Variants in RYR3 observed in about 807,000 individuals in gnomAD.
RYR3 encodes brain ryanodine receptor-calcium release channel.
Under a neutral mutation model 584.3 loss-of-function variants are expected in RYR3, and 207 were observed. The ratio of observed to expected loss-of-function variants is 0.35; its 90% CI spans 0.32 to 0.40. The LOEUF (loss-of-function observed/expected upper bound fraction) is 0.40. Among genes scored for constraint, RYR3 ranks in the 10% least tolerant of loss-of-function variants. The pLI is 1.00. For synonymous variants in RYR3, 2,416 were observed against 2,248.5 expected, an observed-to-expected ratio of 1.07 and a Z score of -2.11; for missense variants, 5,616 against 6,089.2, an observed-to-expected ratio of 0.92 and a Z score of 2.59.
rs147611218 is a variant in RYR3 at position 33,841,672 on chromosome 15, A to G, written c.13038-192A>G. ...TATATAGCTGATGTTCACCAAGATC[A>G]TGGCTCATCCTCATTGAATATAAAT... On this transcript the variant is annotated intron_variant, in intron 90 of 103. Coordinates refer to ENST00000634891, the MANE Select transcript of RYR3 (RefSeq NM_001036.6). 237 of 557,464 alleles carry G rather than the reference A, an allele frequency of 4.3e-4. 2 individuals carry two copies. The highest frequency in any genetic ancestry group is 3.8e-3 in the African/African-American group (202 of 53,546). The allele number at this position is 557,464 out of a possible 1,614,324, so 34.5% of individuals were successfully genotyped here.
At chr15:33,414,885 G>A (rs2676060) in intron 1 of RYR3, among the ~76,000 whole-genome samples, 4,188 of 152,236 alleles carry the variant, frequency 0.028, 200 homozygotes, top group African/African-American at 0.096. Context: ...GAGCCACCGC[G>A]CCGGCCTTAA....
intron 65 of RYR3, among the ~76,000 whole-genome samples, chr15:33,784,341 A>C (rs759617880): frequency 1.8e-4 from 27 of 152,358 alleles, no homozygotes; most frequent in Middle Eastern, 3.4e-3. Flanking sequence ...TGGATATAAA[A>C]TCTGAAAATC....
intron 43 of RYR3, among the ~76,000 whole-genome samples, chr15:33,714,912 A>C (rs1444934437): frequency 1.3e-5 from 2 of 152,250 alleles, no homozygotes; most frequent in African/African-American, 4.8e-5. Context: ...TGGAATAATT[A>C]CTAAAAACTT....
Position 33,311,130 on chromosome 15 carries a change from A to T in RYR3, c.51+34A>T. The T allele has an allele frequency of 6.6e-7, 1 of 1,518,216 alleles. No homozygotes were observed. The highest frequency in any genetic ancestry group is 8.9e-7 in the Non-Finnish European group (1 of 1,125,156). 94.0% of individuals were successfully genotyped at this position (1,518,216 alleles called of 1,614,324 possible). On this transcript the variant is annotated intron_variant, in intron 1 of 103. Transcript: ENST00000634891. This position sits in a 1 kb window ranked among gnomAD's most constrained non-coding sequence, Gnocchi z 4.4. ...CCGCGGCGGGGGCGAGGCCGTGGGC[A>T]GGTGGGGAGGAGCGCGGAGCGCGGC...
At chr15:33,486,923 G>A (rs2572172) in intron 2 of RYR3, among the ~76,000 whole-genome samples, 17,265 of 152,098 alleles carry the variant, frequency 0.11, 1,143 homozygotes, top group African/African-American at 0.16. Context: ...ATGGCTGGGC[G>A]CAGTGGGTCA....
chr15:33,356,570 G>A (rs1347671181), intron 1 of RYR3, among the ~76,000 whole-genome samples: 1 of 152,092 alleles, frequency 6.6e-6, no homozygotes, highest in East Asian at 1.9e-4. Context: ...ACAAAATTAT[G>A]TATAATCTCT....
intron 19 of RYR3, among the ~76,000 whole-genome samples, chr15:33,620,839 TG>T (rs1399636360): frequency 2.0e-5 from 3 of 152,330 alleles, no homozygotes; most frequent in Non-Finnish European, 4.4e-5. Flanking sequence ...TCAATCTGCC[TG>T]CTGAGGGCAC....
intron 1 of RYR3, among the ~76,000 whole-genome samples, chr15:33,316,095 G>A (rs568346636): frequency 1.3e-5 from 2 of 152,052 alleles, no homozygotes; most frequent in African/African-American, 4.8e-5. Flanking sequence ...AGCTCCTTAG[G>A]GTTGATCTGA....
At chr15:33,595,468 C>T (rs2059325900) in intron 16 of RYR3, among the ~76,000 whole-genome samples, 1 of 151,912 alleles carries the variant, frequency 6.6e-6, no homozygotes, top group Admixed American at 6.6e-5. Flanking sequence ...ATCAGTTTGC[C>T]TTTAACATTA....
At position 33,503,664 on chromosome 15, in the gene RYR3, G is replaced by C. The variant is rs763070160; in HGVS notation, c.205G>C (p.Val69Leu). 3 of 1,612,886 alleles carry C rather than the reference G, an allele frequency of 1.9e-6. No individual in the cohort carries two copies. The South Asian group carries it at 3.3e-5, about 18-fold the overall frequency. ...IPPDLCVCNF[V>L]LEQSLSVRAL... Reference sequence around the variant, plus strand: ...TCCAGATCTCTGCGTCTGCAATTTTGTGCTGGAACAGTCCCTATCTGTCAG... The same window carrying C: ...TCCAGATCTCTGCGTCTGCAATTTTCTGCTGGAACAGTCCCTATCTGTCAG... The change falls in exon 3 of 104, where the codon GTG becomes CTG. Residue 69 changes from valine to leucine, a missense_variant. Physicochemically the swap from Val to Leu is conservative, Grantham distance 32. Coordinates refer to ENST00000634891, the MANE Select transcript of RYR3 (RefSeq NM_001036.6).
chr15:33,475,537 G>C (rs977091198), intron 2 of RYR3, among the ~76,000 whole-genome samples: 5 of 152,176 alleles, frequency 3.3e-5, no homozygotes, highest in African/African-American at 1.2e-4. Flanking sequence ...AGGAGGCAAA[G>C]CTCAGGCAGT....
chr15:33,431,387 A>G (rs1428964980), intron 1 of RYR3, among the ~76,000 whole-genome samples: 1 of 152,234 alleles, frequency 6.6e-6, no homozygotes. Context: ...AGCTACATTT[A>G]TGTACAATCA....
At chr15:33,543,959 T>C (rs573492675) in intron 8 of RYR3, among the ~76,000 whole-genome samples, 1 of 152,312 alleles carries the variant, frequency 6.6e-6, no homozygotes, top group Admixed American at 6.5e-5. Context: ...TTCATTTTCT[T>C]TGGCTCTGCA....
chr15:33,533,286 AC>A, intron 4 of RYR3, 24 bp from the exon 5 acceptor site: 1 of 1,518,266 alleles, frequency 6.6e-7, no homozygotes, highest in Non-Finnish European at 9.0e-7. Context: ...GTGTGACTTC[AC>A]TAGTATTTGC....
chr15:33,815,565 G>C (rs1187678130), intron 74 of RYR3: 1 of 276,440 alleles, frequency 3.6e-6, no homozygotes, highest in East Asian at 6.0e-5. Flanking sequence ...AGTAAGTCTA[G>C]GAATTCACTA....
At chr15:33,815,356 T>A (rs548886949) in intron 74 of RYR3, 1 of 152,488 alleles carries the variant, frequency 6.6e-6, no homozygotes, top group Non-Finnish European at 1.5e-5. Context: ...CCTATCTGAT[T>A]GAGATTTCTA....
chr15:33,602,873 G>A (rs2059739284), intron 17 of RYR3, among the ~76,000 whole-genome samples: 1 of 150,460 alleles, frequency 6.6e-6, no homozygotes, highest in Admixed American at 6.7e-5. Context: ...ACCCTCGCAA[G>A]TAGCTTGGAC....
At position 33,527,573 on chromosome 15, in the gene RYR3, C is replaced by T. The variant is rs1395682230; in HGVS notation, c.280-3019C>T. Among the ~76,000 whole-genome samples the T allele has an allele frequency of 4.3e-5, 6 of 138,188 alleles. 1 individual carries two copies. In the South Asian group the frequency reaches 7.4e-4, roughly 17 times the overall value. 90.7% of individuals were successfully genotyped at this position (138,188 alleles called of 152,430 possible). ...CACACCAGCCTGGGCAACAGAGGGA[C>T]ACAACTCTGTCTCAAAAAAAAAAAA... On this transcript the variant is annotated intron_variant, in intron 3 of 103. Coordinates refer to ENST00000634891, the MANE Select transcript of RYR3 (RefSeq NM_001036.6).
At chr15:33,397,655 AGTTC>A (rs2042380570) in intron 1 of RYR3, among the ~76,000 whole-genome samples, 1 of 152,218 alleles carries the variant, frequency 6.6e-6, no homozygotes, top group Admixed American at 6.5e-5. Flanking sequence ...TCTGGAGAAC[AGTTC>A]TTGTTTTGCT....
Sources: allele counts gnomAD v4.1 joint callset (sites outside exome capture counted in the v4.1 genomes callset), GRCh38; gene constraint gnomAD v4.1.1; non-coding constraint Gnocchi (gnomAD v3.1); transcripts MANE v1.5; gene names NCBI Gene and HGNC (gene_info 2026-07-23, HGNC 2026-07-21).